Variants in PKD1 observed in about 807,000 individuals in gnomAD.
The protein encoded by PKD1 is polycystin 1, transient receptor potential channel interacting.
Under a neutral mutation model 361.7 loss-of-function variants are expected in PKD1, and 81 were observed. The observed-to-expected ratio is 0.22, with a 90% confidence interval of 0.19 to 0.27. The LOEUF is 0.27. PKD1 is among the 10% of genes least tolerant of loss of function. The pLI is 1.00. For missense variants in PKD1, 6,399 were observed against 6,118.3 expected, an observed-to-expected ratio of 1.05 and a Z score of -1.53; for synonymous variants, 3,615 against 2,818.3, an observed-to-expected ratio of 1.28 and a Z score of -8.95.
chr16:2,088,956 C>T lies in PKD1; in HGVS notation c.*771G>A, dbSNP rs1228996345. On this transcript the variant is annotated 3_prime_UTR_variant, in exon 46 of 46. Coordinates refer to ENST00000262304, the MANE Select transcript of PKD1 (RefSeq NM_001009944.3). ...CAGGAGGAGTCTTTTCCTCTAACCACCCTGGGGTCCTCTGACATGCCTAGT... is the reference window on the plus strand; with the variant it reads ...CAGGAGGAGTCTTTTCCTCTAACCATCCTGGGGTCCTCTGACATGCCTAGT... 3.2e-5 allele frequency: 11 copies of T among 339,900 alleles called. No homozygotes were observed. Among genetic ancestry groups the T allele is most frequent in the Non-Finnish European group, 5.6e-5 (10 of 179,532 alleles). The allele number at this position is 339,900 out of a possible 1,614,324, so 21.1% of individuals were successfully genotyped here. A position where few individuals can be genotyped will look rare whatever the true frequency, so the allele number is the denominator to read the frequency against.
chr16:2,117,184 C>G (rs4091468), intron 6 of PKD1, 131 bp from the exon 7 acceptor site: 14 of 645,060 alleles, frequency 2.2e-5, no homozygotes, highest in Admixed American at 1.3e-4. Context: ...AGCCCGGAGA[C>G]CAGGGCCCAC....
chr16:2,125,271 G>T (rs1396728142), intron 1 of PKD1, among the ~76,000 whole-genome samples: 4 of 152,206 alleles, frequency 2.6e-5, no homozygotes, highest in Non-Finnish European at 5.9e-5. Flanking sequence ...CACTTCCATG[G>T]GGAGGGCCAG....
intron 45 of PKD1, 22 bp from the exon 46 acceptor site, chr16:2,090,216 A>C (rs763666057): frequency 6.2e-7 from 1 of 1,608,576 alleles, no homozygotes; most frequent in Non-Finnish European, 8.5e-7. Context: ...ACAGGGGCTC[A>C]GTCAGTCCGG....
chr16:2,121,098 G>C (rs570789698), intron 1 of PKD1, among the ~76,000 whole-genome samples: 2 of 152,192 alleles, frequency 1.3e-5, no homozygotes, highest in Admixed American at 6.5e-5. Context: ...GGGTGCAATG[G>C]CTCCTGCCTG....
rs2369071 is a variant in PKD1 at position 2,112,865 on chromosome 16, C to T, written c.3084G>A (p.Pro1028=). The change falls in exon 13 of 46, where the codon CCG becomes CCA. Residue 1028 remains proline, a synonymous_variant. Transcript: ENST00000262304. ...RMQGLQVSTV[P]AVLSPNATLA... is the part of the protein sequence containing the mutation. ...GCGTGGCATTGGGGGACAGCACGGC[C>T]GGCACTGTGGAGACCTGCAGACCCT... 52 of 1,606,450 alleles carry T rather than the reference C, an allele frequency of 3.2e-5. No individual in the cohort carries two copies. The highest frequency in any genetic ancestry group is 3.1e-4 in the East Asian group (14 of 44,882).
chr16:2,093,155 G>C (rs1252784089), intron 37 of PKD1, 62 bp from the exon 38 acceptor site: 1 of 1,591,748 alleles, frequency 6.3e-7, no homozygotes, highest in Non-Finnish European at 8.6e-7. Context: ...GCAGGGCTTT[G>C]GCAACGGCTG....
intron 22 of PKD1, 122 bp downstream of exon 22, chr16:2,104,351 GGGGGAGGGGGATGAGGATGGGAATT>G: frequency 6.6e-5 from 35 of 532,868 alleles, no homozygotes; most frequent in Middle Eastern, 4.6e-4. Context: ...AATGGGAATT[GGGGGAGGGGGATGAGGATGGGAATT>G]GGGGGGAGGG....
At chr16:2,092,826 G>T (rs1228586323) in intron 38 of PKD1, 128 bp downstream of exon 38, 16 of 1,180,304 alleles carry the variant, frequency 1.4e-5, no homozygotes, top group Non-Finnish European at 1.8e-5. Context: ...ACTGATGCCA[G>T]CAGCACCTAC....
chr16:2,094,423 C>T (rs1474857649), intron 34 of PKD1, among the ~76,000 whole-genome samples: 1 of 152,212 alleles, frequency 6.6e-6, no homozygotes. Flanking sequence ...CAGGCGTCCG[C>T]CTGCGTCCCT....
At position 2,114,723 on chromosome 16, in the gene PKD1, C is replaced by G; in HGVS notation, c.2300G>C (p.Cys767Ser). The G allele has an allele frequency of 1.3e-6, 2 of 1,530,842 alleles. No homozygotes were observed. The highest frequency in any genetic ancestry group is 1.7e-6 in the Non-Finnish European group (2 of 1,144,156). 94.8% of individuals were successfully genotyped at this position (1,530,842 alleles called of 1,614,324 possible). A position where few individuals can be genotyped will look rare whatever the true frequency, so the allele number is the denominator to read the frequency against. Residue 767 changes from cysteine (C) to serine (S), a missense_variant, in exon 11 of 46, where the codon TGT becomes TCT. By Grantham distance (112) the Cys-to-Ser change is moderately radical. Coordinates refer to ENST00000262304, the MANE Select transcript of PKD1 (RefSeq NM_001009944.3). Reference sequence around the variant, plus strand: ...CGTGGCTGCAAGCAGCCGCAGGGCACAGGCAGGGCAGGCCCAAGTGCCCTC... The same window carrying G: ...CGTGGCTGCAAGCAGCCGCAGGGCAGAGGCAGGGCAGGCCCAAGTGCCCTC... ...QLEGTWACPACALRLLAATEQ... is the reference protein window; with the variant it reads ...QLEGTWACPASALRLLAATEQ...
chr16:2,101,664 T>C (rs2092102652), intron 26 of PKD1, among the ~76,000 whole-genome samples: 1 of 152,206 alleles, frequency 6.6e-6, no homozygotes, highest in Non-Finnish European at 1.5e-5. Flanking sequence ...GAAGGGCAAT[T>C]CCAATGAAAG....
rs932277458 is a variant in PKD1, at chr16:2,122,922, G to A, written c.216-3544C>T. Among the ~76,000 whole-genome samples the A allele has an allele frequency of 7.2e-5, 11 of 152,272 alleles. No homozygotes were observed. The South Asian group carries it at 8.3e-4, about 11-fold the overall frequency. The stretch of plus-strand genomic sequence containing the variant: ...GGGGAGCAGCTCCCACCCAGGCCAC[G>A]GGAGAAAGGAAAGAAGGAAAAGCCT... On this transcript the variant is annotated intron_variant, in intron 1 of 45. Transcript: ENST00000262304.
intron 7 of PKD1, 74 bp from the exon 8 acceptor site, chr16:2,116,718 C>T (rs1340099677): frequency 5.8e-6 from 7 of 1,203,894 alleles, no homozygotes; most frequent in Admixed American, 4.0e-5. Flanking sequence ...GGGGACCGAG[C>T]CGCCCGAAAA....
intron 23 of PKD1, 70 bp from the exon 24 acceptor site, chr16:2,103,040 C>T: frequency 6.5e-7 from 1 of 1,528,690 alleles, no homozygotes; most frequent in Non-Finnish European, 8.9e-7. Context: ...CACGATGGCC[C>T]TCCTGAGCCC....
At chr16:2,098,332 C>T (rs3874650) in intron 30 of PKD1, 197 of 379,112 alleles carry the variant, frequency 5.2e-4, no homozygotes, top group Admixed American at 1.2e-3. Context: ...GCTCAGCCTC[C>T]TGAGTAGCTG....
In PKD1 at chr16:2,111,054, G is replaced by A; in HGVS notation, c.4113C>T (p.Phe1371=). ...LSSRVNRAHY[F]TSICVEPEVG... ...CCTCTGGCTCCACGCAGATGCTGGT[G>A]AAGTAATGCGCCCTGTTCACGCGGC... The change falls in exon 15 of 46, where the codon TTC becomes TTT. Residue 1371 remains phenylalanine, a synonymous_variant. Coordinates refer to ENST00000262304, the MANE Select transcript of PKD1 (RefSeq NM_001009944.3). The A allele has an allele frequency of 6.2e-7, 1 of 1,610,686 alleles. No individual in the cohort carries two copies. Among genetic ancestry groups the A allele is most frequent in the Non-Finnish European group, 8.5e-7 (1 of 1,179,794 alleles).
At chr16:2,122,283 G>A (rs1384026485) in intron 1 of PKD1, among the ~76,000 whole-genome samples, 3 of 152,242 alleles carry the variant, frequency 2.0e-5, no homozygotes, top group African/African-American at 7.2e-5. Flanking sequence ...GGGCACGGTT[G>A]GGGGTGCAGT....
rs376365127 is a variant in PKD1 at position 2,099,826 on chromosome 16, C to A, written c.9923+35G>T. On this transcript the variant is annotated intron_variant, in intron 29 of 45. Transcript: ENST00000262304. ...AGGCTGAGGGGCAGGAAGGGCTGGG[C>A]AGGAAGAGGCTGCCCCGACCCCTAC... is the stretch of plus-strand genomic sequence containing the variant. The A allele has an allele frequency of 5.1e-4, 791 of 1,557,746 alleles. 2 individuals are homozygous for A. Among genetic ancestry groups the A allele is most frequent in the Non-Finnish European group, 6.6e-4 (759 of 1,151,848 alleles).
rs758968266 is a variant in PKD1 at position 2,110,079 on chromosome 16, C to T, written c.5088G>A (p.Gln1696=). ...TGCCCAGCATGTTGGTGGCCCGCAG[C>T]TGCACATGGTAGGTGCCGGCCTCGA... ...TVLEAGTYHV[Q]LRATNMLGSA... is the part of the protein sequence containing the mutation. Residue 1696 remains glutamine (Q), a synonymous_variant, in exon 15 of 46, where the codon CAG becomes CAA. Transcript: ENST00000262304. The T allele has an allele frequency of 2.5e-6, 4 of 1,610,004 alleles. No individual in the cohort carries two copies. Among genetic ancestry groups the T allele is most frequent in the Non-Finnish European group, 3.4e-6 (4 of 1,179,480 alleles).
Sources: gnomAD v4.1 joint callset for allele counts (sites outside exome capture counted in the v4.1 genomes callset) on GRCh38, gnomAD v4.1.1 for gene constraint, MANE v1.5 for transcripts, NCBI Gene and HGNC (gene_info 2026-07-23, HGNC 2026-07-21) for gene names.